DPYS: variants seen among roughly 807,000 people sequenced by gnomAD.
DPYS encodes the protein dihydropyrimidinase, also known as dihydropyrimidine amidohydrolase.
In DPYS, 39 loss-of-function variants were observed where a neutral mutation model predicts 50.3. The observed-to-expected ratio is 0.78, with a 90% confidence interval of 0.60 to 1.01. The LOEUF (loss-of-function observed/expected upper bound fraction) is 1.01, where lower values mean the gene tolerates loss of function less well. Among genes scored for constraint, DPYS ranks in the 50% least tolerant of loss-of-function variants. The pLI is 0.00. For missense variants in DPYS, 659 were observed against 680.9 expected (o/e 0.97, Z 0.36); for synonymous variants, 245 against 250.7 (o/e 0.98, Z 0.22).
At chr8:104,447,254 G>T in intron 3 of DPYS, 70 bp downstream of exon 3, 2 of 1,566,522 alleles carry the variant, frequency 1.3e-6, no homozygotes, top group Non-Finnish European at 1.8e-6. Flanking sequence ...ACCTATGTAG[G>T]CCCAATCATC....
intron 7 of DPYS, among the ~76,000 whole-genome samples, chr8:104,401,154 A>G (rs1490049089): frequency 1.3e-5 from 2 of 152,214 alleles, no homozygotes; most frequent in Non-Finnish European, 2.9e-5. Context: ...AGAAACAAAA[A>G]AAGTTAATAG....
At chr8:104,404,919 A>C (rs746667419) in intron 7 of DPYS, among the ~76,000 whole-genome samples, 1 of 152,230 alleles carries the variant, frequency 6.6e-6, no homozygotes, top group Non-Finnish European at 1.5e-5. Context: ...TGCTCTGAAT[A>C]TCTCTAGTGG....
At chr8:104,383,498 T>C (rs1367447759) in intron 8 of DPYS, among the ~76,000 whole-genome samples, 1 of 152,156 alleles carries the variant, frequency 6.6e-6, no homozygotes, top group Non-Finnish European at 1.5e-5. Context: ...GGGCTTCCCA[T>C]CTAAGCCTGC....
At chr8:104,436,032 C>T (rs1813131164) in intron 4 of DPYS, among the ~76,000 whole-genome samples, 1 of 152,082 alleles carries the variant, frequency 6.6e-6, no homozygotes, top group African/African-American at 2.4e-5. Context: ...TCTGTCAACA[C>T]TCACCCTTAC....
In DPYS at chr8:104,466,924, G is replaced by T; in HGVS notation, c.-4C>A. On this transcript the variant is annotated 5_prime_UTR_variant, in exon 1 of 10. Transcript: ENST00000351513. Reference sequence around the variant, plus strand: ...GGAGCCGCGAGGGCGCCGCCATAGCGAGGGGCGCGCGGGGTCCTACTCGGC... The same window carrying T: ...GGAGCCGCGAGGGCGCCGCCATAGCTAGGGGCGCGCGGGGTCCTACTCGGC... 1.4e-6 allele frequency: 2 copies of T among 1,475,706 alleles called. No individual in the cohort carries two copies. The highest frequency in any genetic ancestry group is 1.8e-6 in the Non-Finnish European group (2 of 1,120,322). The allele number at this position is 1,475,706 out of a possible 1,614,324, so 91.4% of individuals were successfully genotyped here.
At chr8:104,392,550 A>G (rs1323406139) in intron 8 of DPYS, among the ~76,000 whole-genome samples, 2 of 152,108 alleles carry the variant, frequency 1.3e-5, no homozygotes, top group African/African-American at 4.8e-5. Flanking sequence ...ATTACCCCAC[A>G]ATCTGGAAAT....
chr8:104,444,503 T>C, intron 3 of DPYS, 66 bp from the exon 4 acceptor site: 1 of 1,561,188 alleles, frequency 6.4e-7, no homozygotes, highest in Non-Finnish European at 8.8e-7. Context: ...ATCATTATTT[T>C]ATCATAAATT....
intron 7 of DPYS, among the ~76,000 whole-genome samples, chr8:104,399,866 CAAAAAAAA>C (rs57562204): frequency 1.3e-4 from 7 of 52,520 alleles, no homozygotes; most frequent in Admixed American, 3.0e-4. Flanking sequence ...GACTCCGTCT[CAAAAAAAA>C]AAAAAAAAAA....
chr8:104,398,851 C>T (rs1811679617), intron 7 of DPYS, among the ~76,000 whole-genome samples: 1 of 152,136 alleles, frequency 6.6e-6, no homozygotes, highest in South Asian at 2.1e-4. Flanking sequence ...TTGTAACTTG[C>T]CCAAAGTGGC....
intron 7 of DPYS, among the ~76,000 whole-genome samples, chr8:104,413,573 T>C (rs1415353992): frequency 6.6e-6 from 1 of 152,092 alleles, no homozygotes; most frequent in African/African-American, 2.4e-5. Flanking sequence ...TCAAAGAGAC[T>C]TAAAACACAG....
At chr8:104,455,968 TA>T (rs1564114154) in intron 1 of DPYS, among the ~76,000 whole-genome samples, 1 of 152,196 alleles carries the variant, frequency 6.6e-6, no homozygotes, top group Non-Finnish European at 1.5e-5. Flanking sequence ...CCATGTACCA[TA>T]ATGGTGTTTT....
chr8:104,449,030 C>G (rs1465897614), intron 2 of DPYS, among the ~76,000 whole-genome samples: 1 of 152,104 alleles, frequency 6.6e-6, no homozygotes, highest in Admixed American at 6.6e-5. Flanking sequence ...CACTCAATAA[C>G]TATTTATTGA....
intron 7 of DPYS, 133 bp downstream of exon 7, chr8:104,424,114 G>T: frequency 1.3e-6 from 2 of 1,570,624 alleles, no homozygotes; most frequent in Non-Finnish European, 1.7e-6. Flanking sequence ...TTGTGTACAG[G>T]ATCAAAATAC....
In DPYS at chr8:104,467,030, C is replaced by G; in HGVS notation, c.-110G>C. The G allele has an allele frequency of 5.5e-6, 7 of 1,277,488 alleles. No homozygotes were observed. Among genetic ancestry groups the G allele is most frequent in the Non-Finnish European group, 7.1e-6 (7 of 992,148 alleles). The allele number at this position is 1,277,488 out of a possible 1,614,324, so 79.1% of individuals were successfully genotyped here. On this transcript the variant is annotated 5_prime_UTR_variant, in exon 1 of 10. Transcript: ENST00000351513. ...CTGCAAGGTCCCCACCGACAGCCCC[C>G]GAGCTCTGCCTCAGGCTGCAAATCC...
intron 4 of DPYS, among the ~76,000 whole-genome samples, chr8:104,438,616 A>G (rs749158036): frequency 4.6e-5 from 7 of 152,170 alleles, no homozygotes; most frequent in Non-Finnish European, 1.0e-4. Flanking sequence ...TATTTCCATA[A>G]TTTTACCCTG....
At chr8:104,394,197 G>A (rs1034782535) in intron 7 of DPYS, among the ~76,000 whole-genome samples, 9 of 152,144 alleles carry the variant, frequency 5.9e-5, no homozygotes, top group African/African-American at 2.2e-4. Context: ...AGTCTAAGGA[G>A]GAGCAGCTCA....
intron 7 of DPYS, among the ~76,000 whole-genome samples, chr8:104,423,746 A>G (rs1388887080): frequency 6.6e-6 from 1 of 152,212 alleles, no homozygotes; most frequent in East Asian, 1.9e-4. Context: ...ACATAGAATT[A>G]TGGAAATTGG....
intron 1 of DPYS, among the ~76,000 whole-genome samples, chr8:104,464,016 A>C (rs1331254423): frequency 6.6e-6 from 1 of 152,210 alleles, no homozygotes; most frequent in Non-Finnish European, 1.5e-5. Flanking sequence ...AGACTATTGC[A>C]ACACAGCCCC....
intron 2 of DPYS, 148 bp downstream of exon 2, chr8:104,451,094 TCAAA>T: frequency 1.1e-6 from 1 of 944,058 alleles, no homozygotes. Flanking sequence ...AATTAAAAAT[TCAAA>T]AGATACAAAA....
Sources: allele counts gnomAD v4.1 joint callset (sites outside exome capture counted in the v4.1 genomes callset), GRCh38; gene constraint gnomAD v4.1.1; transcripts MANE v1.5; gene names NCBI Gene and HGNC (gene_info 2026-07-23, HGNC 2026-07-21).